AFF4: variants seen among roughly 807,000 people sequenced by gnomAD.
The protein encoded by AFF4 is ALF transcription elongation factor 4, also known as AF4/FMR2 family member 4.
AFF4 carries 13 observed loss-of-function variants against 124.8 expected under a neutral mutation model. The ratio of observed to expected loss-of-function variants is 0.10; its 90% CI spans 0.07 to 0.17. The LOEUF is 0.17. Among genes scored for constraint, AFF4 ranks in the 10% least tolerant of loss-of-function variants. The probability of loss-of-function intolerance (pLI) is 1.00; values close to 1 mark genes in which losing one functional copy is unlikely to be tolerated. For synonymous variants in AFF4, 477 were observed against 496.1 expected (o/e 0.96, Z 0.51); for missense variants, 1,092 against 1,403.8 (o/e 0.78, Z 3.55).
At chr5:132,906,522 T>C (rs149535174) in intron 5 of AFF4, among the ~76,000 whole-genome samples, 53 of 152,262 alleles carry the variant, frequency 3.5e-4, no homozygotes, top group African/African-American at 1.2e-3. Context: ...AAAGACCACA[T>C]ACTACATTAT....
rs77483560 is a variant in AFF4, at chr5:132,941,697, T to A, written c.-4-4504A>T. Among the ~76,000 whole-genome samples, 40 of 151,274 alleles carry A rather than the reference T, an allele frequency of 2.6e-4. No homozygotes were observed. In the East Asian group the frequency reaches 4.1e-3, roughly 15 times the overall value. ...TCCTTCTAACACCAGATGTGTGGGG[T>A]TTTTTTTCGCACGCACAAGCAAGCA... is the stretch of plus-strand genomic sequence containing the variant. On this transcript the variant is annotated intron_variant, in intron 1 of 20. Transcript: ENST00000265343.
intron 7 of AFF4, among the ~76,000 whole-genome samples, chr5:132,901,347 A>T (rs1214147909): frequency 1.3e-5 from 2 of 152,196 alleles, no homozygotes; most frequent in Non-Finnish European, 2.9e-5. Flanking sequence ...GAATAGGAGT[A>T]TAATTTGAAT....
chr5:132,949,188 G>A (rs538418728), intron 1 of AFF4, among the ~76,000 whole-genome samples: 9 of 149,928 alleles, frequency 6.0e-5, no homozygotes, highest in Admixed American at 2.0e-4. Context: ...TACATTTTCA[G>A]GATGAAAATC....
At chr5:132,942,909 T>G (rs566729798) in intron 1 of AFF4, 1 of 210,584 alleles carries the variant, frequency 4.7e-6, no homozygotes, top group African/African-American at 2.3e-5. Context: ...TTGGGCCACA[T>G]GATGAGACCC....
rs1759906487 is a variant in AFF4, at chr5:132,879,030, T to C, written c.*2029A>G. 1 of 222,770 alleles carries C rather than the reference T, an allele frequency of 4.5e-6. No homozygotes were observed. Among genetic ancestry groups the C allele is most frequent in the Non-Finnish European group, 9.0e-6 (1 of 111,616 alleles). 13.8% of individuals were successfully genotyped at this position (222,770 alleles called of 1,614,324 possible). Reference sequence around the variant, plus strand: ...AATAACTATCATGATCATTGAGAAGTTGTCCTCTTATGGAAAACTGTTCCT... The same window carrying C: ...AATAACTATCATGATCATTGAGAAGCTGTCCTCTTATGGAAAACTGTTCCT... On this transcript the variant is annotated 3_prime_UTR_variant, in exon 21 of 21. Coordinates refer to ENST00000265343, the MANE Select transcript of AFF4 (RefSeq NM_014423.4).
At chr5:132,932,614 G>C (rs757061291) in intron 3 of AFF4, among the ~76,000 whole-genome samples, 26 of 152,200 alleles carry the variant, frequency 1.7e-4, no homozygotes, top group Non-Finnish European at 3.1e-4. Flanking sequence ...GCCAGAGGCT[G>C]CAAATTTTTT....
At chr5:132,900,471 A>T (rs1760523273) in intron 7 of AFF4, among the ~76,000 whole-genome samples, 1 of 152,094 alleles carries the variant, frequency 6.6e-6, no homozygotes, top group South Asian at 2.1e-4. Flanking sequence ...GTAGGAGGAG[A>T]ATTGCTTGAA....
At chr5:132,945,796 C>T (rs1023307641) in intron 1 of AFF4, among the ~76,000 whole-genome samples, 1 of 151,516 alleles carries the variant, frequency 6.6e-6, no homozygotes, top group African/African-American at 2.4e-5. Flanking sequence ...CACGGTGGCT[C>T]GCGCCTGTAA....
rs938698141 is a variant in AFF4 at position 132,917,716 on chromosome 5, T to G, written c.1050+9405A>C. 2.1e-4 allele frequency among the ~76,000 whole-genome samples: 28 copies of G among 136,382 alleles called. No homozygotes were observed. In the South Asian group the frequency reaches 6.6e-3, roughly 32 times the overall value. 89.5% of individuals were successfully genotyped at this position (136,382 alleles called of 152,430 possible). ...TTTTCTTTTCTTTTCTTTTTTTTTT[T>G]TTTTTTTTTTTTTTGAGACAGAGAC... On this transcript the variant is annotated intron_variant, in intron 5 of 20. Transcript: ENST00000265343.
rs967815287 is a variant in AFF4, at chr5:132,880,060, A to G, written c.*999T>C. 1.8e-5 allele frequency: 7 copies of G among 394,946 alleles called. No homozygotes were observed. Among genetic ancestry groups the G allele is most frequent in the Admixed American group, 1.3e-4 (3 of 22,604 alleles). The allele number at this position is 394,946 out of a possible 1,614,324, so 24.5% of individuals were successfully genotyped here. ...AGCATCACAATCCAGTATGAGGGGG[A>G]AAAATCTGAAAAATAACTCTAACTA... On this transcript the variant is annotated 3_prime_UTR_variant, in exon 21 of 21. Transcript: ENST00000265343.
chr5:132,903,026 G>A (rs1760588706), intron 6 of AFF4, among the ~76,000 whole-genome samples: 1 of 152,138 alleles, frequency 6.6e-6, no homozygotes, highest in African/African-American at 2.4e-5. Context: ...CACAAATAAT[G>A]AGTAGAGGCA....
At chr5:132,945,367 C>T (rs1761673853) in intron 1 of AFF4, 2 of 152,298 alleles carry the variant, frequency 1.3e-5, no homozygotes, top group East Asian at 1.9e-4. Context: ...AGTCAGTTAT[C>T]TCAACTGATT....
chr5:132,885,209 CTCA>C (rs1219282323), intron 18 of AFF4, 90 bp from the exon 19 acceptor site: 1 of 958,508 alleles, frequency 1.0e-6, no homozygotes, highest in Admixed American at 2.6e-5. Flanking sequence ...TGGGCAAGAG[CTCA>C]TCGTGAGCAG....
intron 1 of AFF4, among the ~76,000 whole-genome samples, chr5:132,955,906 TAATA>T (rs929631913): frequency 1.3e-4 from 19 of 146,774 alleles, no homozygotes; most frequent in African/African-American, 4.5e-4. Context: ...ATGCTACATA[TAATA>T]TATACTATAC....
intron 1 of AFF4, among the ~76,000 whole-genome samples, chr5:132,938,611 A>T (rs963032391): frequency 1.6e-4 from 24 of 152,012 alleles, no homozygotes; most frequent in Non-Finnish European, 2.8e-4. Context: ...CAAACATTTA[A>T]AATTAAAACC....
chr5:132,883,200 G>T, intron 20 of AFF4, 140 bp downstream of exon 20: 2 of 801,960 alleles, frequency 2.5e-6, no homozygotes, highest in Non-Finnish European at 3.8e-6. Context: ...TAACTGCTAA[G>T]CAATGAAGAC....
At chr5:132,925,975 C>T (rs1348960741) in intron 5 of AFF4, among the ~76,000 whole-genome samples, 1 of 152,162 alleles carries the variant, frequency 6.6e-6, no homozygotes, top group Non-Finnish European at 1.5e-5. Flanking sequence ...GAAATGAAAA[C>T]TTGCTATCAG....
chr5:132,957,295 T>G (rs1436983775), intron 1 of AFF4, among the ~76,000 whole-genome samples: 1 of 150,020 alleles, frequency 6.7e-6, no homozygotes, highest in African/African-American at 2.4e-5. Flanking sequence ...GAGCCGTGAC[T>G]GCCCCATGCA....
chr5:132,958,200 C>T (rs1015830952), intron 1 of AFF4, among the ~76,000 whole-genome samples: 1 of 151,794 alleles, frequency 6.6e-6, no homozygotes, highest in African/African-American at 2.4e-5. Flanking sequence ...ATACATTTTT[C>T]GTGATGTTAC....
Sources: gnomAD v4.1 joint callset for allele counts (sites outside exome capture counted in the v4.1 genomes callset) on GRCh38, gnomAD v4.1.1 for gene constraint, MANE v1.5 for transcripts, NCBI Gene and HGNC (gene_info 2026-07-23, HGNC 2026-07-21) for gene names.